The following SAMD5 variants were observed in gnomAD, a reference collection of about 807,000 sequenced individuals.
SAMD5 encodes sterile alpha motif domain containing 5, also known as sterile alpha motif domain-containing protein 5.
Under a neutral mutation model 11.3 loss-of-function variants are expected in SAMD5, and 13 were observed. The ratio of observed to expected loss-of-function variants is 1.15; its 90% confidence interval spans 0.75 to 1.83. SAMD5 has a LOEUF of 1.83. SAMD5 is among the 40% of genes most tolerant of loss of function. The pLI, the probability that SAMD5 is intolerant of heterozygous loss-of-function variation, is 0.00. For missense variants in SAMD5, 255 were observed against 239.1 expected, an observed-to-expected ratio of 1.07 and a Z score of -0.44; for synonymous variants, 129 against 111.3, an observed-to-expected ratio of 1.16 and a Z score of -1.00.
At chr6:147,893,311 G>T in the SAMD5 span, among the ~76,000 whole-genome samples, 1 of 152,132 alleles carries the variant, frequency 6.6e-6, no homozygotes, top group Non-Finnish European at 1.5e-5. Flanking sequence ...GGAAATGGAG[G>T]ATTAGAGGAG....
intron 1 of SAMD5, among the ~76,000 whole-genome samples, chr6:147,690,340 A>T (rs561645024): frequency 2.0e-5 from 3 of 152,164 alleles, no homozygotes; most frequent in Admixed American, 6.6e-5. Context: ...TAAATAGTTT[A>T]AAAAAATTTT....
chr6:147,645,163 A>G (rs920290467), intron 1 of SAMD5, among the ~76,000 whole-genome samples: 13 of 152,304 alleles, frequency 8.5e-5, no homozygotes, highest in African/African-American at 3.1e-4. Context: ...ACCCCACACG[A>G]CAGGACATCT....
intron 1 of SAMD5, among the ~76,000 whole-genome samples, chr6:147,724,649 T>TGG (rs1389217660): frequency 1.3e-5 from 2 of 152,178 alleles, no homozygotes; most frequent in African/African-American, 4.8e-5. Flanking sequence ...TAGTGAGCCG[T>TGG]GAGGCTGCTC....
At chr6:147,698,224 C>T (rs73014060) in intron 1 of SAMD5, among the ~76,000 whole-genome samples, 17,267 of 151,980 alleles carry the variant, frequency 0.11, 1,065 homozygotes, top group Middle Eastern at 0.16. Context: ...TCTGTGGCCC[C>T]GGGGTTGGGG....
chr6:147,538,717 C>T (rs991997114), intron 1 of SAMD5, among the ~76,000 whole-genome samples: 1 of 152,180 alleles, frequency 6.6e-6, no homozygotes, highest in Non-Finnish European at 1.5e-5. Flanking sequence ...ACACTTTGAC[C>T]TTAAAGCATT....
intron 1 of SAMD5, among the ~76,000 whole-genome samples, chr6:147,701,366 G>C (rs1316811588): frequency 1.3e-5 from 2 of 152,174 alleles, no homozygotes; most frequent in Non-Finnish European, 1.5e-5. Flanking sequence ...TGGGCATGAT[G>C]GTCATGCCTA....
intron 1 of SAMD5, among the ~76,000 whole-genome samples, chr6:147,683,829 G>T (rs1790972718): frequency 6.6e-6 from 1 of 152,154 alleles, no homozygotes; most frequent in Non-Finnish European, 1.5e-5. Flanking sequence ...TCATCAGAAA[G>T]CACTTCAGGT....
the SAMD5 span, among the ~76,000 whole-genome samples, chr6:147,816,945 A>G: frequency 2.6e-4 from 13 of 50,960 alleles, no homozygotes; most frequent in Non-Finnish European, 4.0e-4. Context: ...AGACATGTAG[A>G]AAAAAAAAAC....
the SAMD5 span, among the ~76,000 whole-genome samples, chr6:147,825,049 C>T: frequency 6.6e-6 from 1 of 152,160 alleles, no homozygotes; most frequent in Non-Finnish European, 1.5e-5. Context: ...AGTCCCAGCA[C>T]TTTGGGAGGC....
At chr6:147,782,973 T>C in the SAMD5 span, among the ~76,000 whole-genome samples, 28,457 of 152,202 alleles carry the variant, frequency 0.19, 3,484 homozygotes, top group African/African-American at 0.35. Flanking sequence ...GTCTAAAATA[T>C]GGAACTTAAT....
chr6:147,574,529 T>A (rs948925274), downstream of SAMD5, among the ~76,000 whole-genome samples: 6 of 152,146 alleles, frequency 3.9e-5, no homozygotes, highest in Non-Finnish European at 8.8e-5. Context: ...TGCTTGAGGG[T>A]TGAGGAGACC....
the SAMD5 span, among the ~76,000 whole-genome samples, chr6:147,849,176 T>TA: frequency 1.4e-3 from 207 of 151,168 alleles, no homozygotes; most frequent in African/African-American, 4.8e-3. Flanking sequence ...TTTTTTTTTT[T>TA]ACAATTCTGG....
At chr6:147,570,823 T>C (rs1000970861), downstream of SAMD5, among the ~76,000 whole-genome samples, 4 of 152,174 alleles carry the variant, frequency 2.6e-5, no homozygotes, top group Non-Finnish European at 5.9e-5. Context: ...GATTCATAAA[T>C]TGTGTAGTTA....
At chr6:147,770,805 C>T in the SAMD5 span, among the ~76,000 whole-genome samples, 13 of 152,170 alleles carry the variant, frequency 8.5e-5, no homozygotes, top group Admixed American at 5.2e-4. Flanking sequence ...CCTTAGACAA[C>T]TAACCTAATG....
rs776356299 is a variant in SAMD5, at chr6:147,565,720, G to T, written c.*1264G>T. ...AATGATCCACTCGCCGTGGCCTCCAGTAGCGCTGGGATTACAGGCGTGAGC... is the reference window on the plus strand; with the variant it reads ...AATGATCCACTCGCCGTGGCCTCCATTAGCGCTGGGATTACAGGCGTGAGC... On this transcript the variant is annotated 3_prime_UTR_variant, in exon 2 of 2. Transcript: ENST00000367474. 1 of 968,832 alleles carries T rather than the reference G, an allele frequency of 1.0e-6. No individual in the cohort carries two copies. Among genetic ancestry groups the T allele is most frequent in the Non-Finnish European group, 1.2e-6 (1 of 814,904 alleles). The allele number at this position is 968,832 out of a possible 1,614,324, so 60.0% of individuals were successfully genotyped here.
chr6:147,685,266 G>A (rs556523660), intron 1 of SAMD5, among the ~76,000 whole-genome samples: 3 of 152,188 alleles, frequency 2.0e-5, no homozygotes, highest in South Asian at 4.1e-4. Flanking sequence ...GTGCGATCTC[G>A]GCTCGCTGCA....
chr6:147,846,716 A>C, the SAMD5 span, among the ~76,000 whole-genome samples: 1 of 152,198 alleles, frequency 6.6e-6, no homozygotes, highest in Non-Finnish European at 1.5e-5. Flanking sequence ...GCTATTCGGT[A>C]GGCTGAGGCA....
At chr6:147,864,172 T>C in the SAMD5 span, among the ~76,000 whole-genome samples, 1 of 152,094 alleles carries the variant, frequency 6.6e-6, no homozygotes, top group South Asian at 2.1e-4. Context: ...AGCATAAACA[T>C]CATCTTCACC....
intron 1 of SAMD5, among the ~76,000 whole-genome samples, chr6:147,677,900 CATCTT>C (rs1790887709): frequency 6.6e-6 from 1 of 152,132 alleles, no homozygotes; most frequent in Non-Finnish European, 1.5e-5. Flanking sequence ...TCCCAAGTGT[CATCTT>C]ATATTACCCT....
Sources: gnomAD v4.1 joint callset for allele counts (sites outside exome capture counted in the v4.1 genomes callset) on GRCh38, gnomAD v4.1.1 for gene constraint, MANE v1.5 for transcripts, NCBI Gene and HGNC (gene_info 2026-07-23, HGNC 2026-07-21) for gene names.